Variants in ZSCAN25 observed in about 807,000 individuals in gnomAD.
The protein encoded by ZSCAN25 is zinc finger and SCAN domain containing 25.
A neutral mutation model predicts 38.7 loss-of-function variants in ZSCAN25; 27 were observed. The observed-to-expected ratio is 0.70, with a 90% confidence interval of 0.51 to 0.96. ZSCAN25 has a LOEUF of 0.96. Ranked by LOEUF, ZSCAN25 falls within the 40% of genes least tolerant of loss-of-function variation. The probability of loss-of-function intolerance (pLI) is 0.00; values close to 1 mark genes in which losing one functional copy is unlikely to be tolerated. For synonymous variants in ZSCAN25, 273 were observed against 277.7 expected, an observed-to-expected ratio of 0.98 and a Z score of 0.17; for missense variants, 637 against 705.9, an observed-to-expected ratio of 0.90 and a Z score of 1.11.
chr7:99,688,520 A>G, the ZSCAN25 span, among the ~76,000 whole-genome samples: 18 of 152,226 alleles, frequency 1.2e-4, no homozygotes, highest in African/African-American at 4.1e-4. Flanking sequence ...AGATTCATAA[A>G]GCAAGTCCTT....
At chr7:99,660,423 C>A in the ZSCAN25 span, 14 of 1,500,252 alleles carry the variant, frequency 9.3e-6, no homozygotes, top group Non-Finnish European at 1.2e-5. Flanking sequence ...TATAAAAATT[C>A]TCCTGGGGAG....
chr7:99,709,308 A>G, the ZSCAN25 span: 4 of 1,591,088 alleles, frequency 2.5e-6, no homozygotes, highest in Non-Finnish European at 3.4e-6. Context: ...TTTTGAATTA[A>G]CTTTTAACTC....
At chr7:99,628,080 C>G (rs1435537251) in intron 7 of ZSCAN25, among the ~76,000 whole-genome samples, 1 of 151,764 alleles carries the variant, frequency 6.6e-6, no homozygotes, top group East Asian at 1.9e-4. Flanking sequence ...AGTGAGGCCC[C>G]CATCTCCACA....
chr7:99,662,937 T>G, the ZSCAN25 span: 2 of 1,608,372 alleles, frequency 1.2e-6, no homozygotes, highest in South Asian at 2.2e-5. This position sits in a 1 kb window ranked among gnomAD's most constrained non-coding sequence, Gnocchi z 4.3. Context: ...AAGTCAGAAG[T>G]AAATCAAAAG....
At chr7:99,628,163 C>T (rs1488871063) in intron 7 of ZSCAN25, among the ~76,000 whole-genome samples, 3 of 152,048 alleles carry the variant, frequency 2.0e-5, no homozygotes, top group Admixed American at 6.5e-5. Flanking sequence ...AAAATCTTTG[C>T]GTGTACAAAA....
chr7:99,658,043 A>C, the ZSCAN25 span, among the ~76,000 whole-genome samples: 27 of 152,254 alleles, frequency 1.8e-4, no homozygotes, highest in African/African-American at 6.5e-4. Flanking sequence ...CCAGTTTGCC[A>C]GTCTGTGTCT....
chr7:99,631,830 G>A lies in ZSCAN25; in HGVS notation c.*1810G>A. The stretch of plus-strand genomic sequence containing the variant: ...CACTGACTGGGTCGTAAATGTATCT[G>A]AGATGTCCACACGGGGCTGCTGCTG... On this transcript the variant is annotated 3_prime_UTR_variant, in exon 8 of 8. Coordinates refer to ENST00000394152, the MANE Select transcript of ZSCAN25 (RefSeq NM_145115.3). 1.1e-5 allele frequency: 11 copies of A among 985,450 alleles called. No individual in the cohort carries two copies. Among genetic ancestry groups the A allele is most frequent in the Non-Finnish European group, 1.3e-5 (11 of 829,970 alleles). The allele number at this position is 985,450 out of a possible 1,614,324, so 61.0% of individuals were successfully genotyped here.
At chr7:99,666,619 T>C in the ZSCAN25 span, 7 of 1,613,876 alleles carry the variant, frequency 4.3e-6, no homozygotes, top group Non-Finnish European at 5.9e-6. Context: ...GGTGACAGGC[T>C]TGCCTTTCTC....
the ZSCAN25 span, among the ~76,000 whole-genome samples, chr7:99,690,885 C>G: frequency 0.015 from 2,224 of 152,212 alleles, 49 homozygotes; most frequent in African/African-American, 0.051. Flanking sequence ...GTCAGTGTGG[C>G]GATTCCTCAG....
the ZSCAN25 span, chr7:99,667,037 C>G: frequency 6.2e-7 from 1 of 1,614,108 alleles, no homozygotes; most frequent in Non-Finnish European, 8.5e-7. Flanking sequence ...AGAGATGGCA[C>G]TTTTCATAAA....
At chr7:99,723,467 C>T in the ZSCAN25 span, among the ~76,000 whole-genome samples, 1 of 152,200 alleles carries the variant, frequency 6.6e-6, no homozygotes, top group Non-Finnish European at 1.5e-5. Flanking sequence ...CCCTATCTCC[C>T]TTTGCAGACT....
the ZSCAN25 span, chr7:99,638,310 G>C: frequency 6.2e-7 from 1 of 1,606,362 alleles, no homozygotes; most frequent in Non-Finnish European, 8.5e-7. Context: ...GGCACAGGAG[G>C]GCTGCCCATA....
At chr7:99,671,005 A>T in the ZSCAN25 span, 1 of 152,292 alleles carries the variant, frequency 6.6e-6, no homozygotes, top group East Asian at 1.9e-4. Context: ...AACCTGTTCA[A>T]TGATTTTGAA....
the ZSCAN25 span, among the ~76,000 whole-genome samples, chr7:99,697,341 G>A: frequency 0.024 from 3,658 of 152,262 alleles, 170 homozygotes; most frequent in African/African-American, 0.082. Flanking sequence ...ACTGAGGGGT[G>A]GAAGACTGGA....
chr7:99,688,492 C>T, the ZSCAN25 span, among the ~76,000 whole-genome samples: 1 of 152,158 alleles, frequency 6.6e-6, no homozygotes, highest in Non-Finnish European at 1.5e-5. Flanking sequence ...TATGTATGCA[C>T]CCAATACAGG....
chr7:99,646,731 T>G, the ZSCAN25 span, among the ~76,000 whole-genome samples: 1 of 152,020 alleles, frequency 6.6e-6, no homozygotes, highest in African/African-American at 2.4e-5. Flanking sequence ...GCACTAAGTA[T>G]ACTCATTGCT....
the ZSCAN25 span, chr7:99,662,860 A>G: frequency 1.4e-5 from 23 of 1,613,970 alleles, no homozygotes; most frequent in Non-Finnish European, 1.9e-5. The surrounding 1 kb of genome is among the most constrained non-coding windows in gnomAD (Gnocchi z 4.3). Flanking sequence ...GTCAATCATC[A>G]GCTGAAGGAA....
At chr7:99,675,202 A>G in the ZSCAN25 span, among the ~76,000 whole-genome samples, 1 of 152,234 alleles carries the variant, frequency 6.6e-6, no homozygotes, top group African/African-American at 2.4e-5. Context: ...TGCCACCTCT[A>G]CACATCACAC....
the ZSCAN25 span, among the ~76,000 whole-genome samples, chr7:99,719,462 C>CA: frequency 2.6e-4 from 39 of 152,138 alleles, no homozygotes; most frequent in South Asian, 7.3e-3. Context: ...ATACCTTATA[C>CA]AAAAAATAAC....
Sources: allele counts gnomAD v4.1 joint callset (sites outside exome capture counted in the v4.1 genomes callset), GRCh38; gene constraint gnomAD v4.1.1; non-coding constraint Gnocchi (gnomAD v3.1); transcripts MANE v1.5; gene names NCBI Gene and HGNC (gene_info 2026-07-23, HGNC 2026-07-21).